Variants in UBE2E2 observed in about 807,000 individuals in gnomAD.
UBE2E2 encodes ubiquitin-conjugating enzyme E2 E2.
A neutral mutation model predicts 24.7 loss-of-function variants in UBE2E2; 6 were observed. The observed-to-expected ratio is 0.24, with a 90% CI of 0.13 to 0.48. The LOEUF (loss-of-function observed/expected upper bound fraction) is 0.48, where lower values mean the gene tolerates loss of function less well. UBE2E2 is among the 20% of genes least tolerant of loss of function. The probability of loss-of-function intolerance (pLI) is 0.99; values close to 1 mark genes in which losing one functional copy is unlikely to be tolerated. For synonymous variants in UBE2E2, 104 were observed against 83.6 expected (o/e 1.24, Z -1.33); for missense variants, 169 against 245.0 (o/e 0.69, Z 2.07).
At chr3:23,389,002 CAA>C (rs34578427) in intron 3 of UBE2E2, among the ~76,000 whole-genome samples, 4,008 of 81,076 alleles carry the variant, frequency 0.049, 88 homozygotes, top group East Asian at 0.21. Flanking sequence ...ACTCCATTTC[CAA>C]AAAAAAAAAA....
rs1305804254 is a variant in UBE2E2, at chr3:23,583,896, A to T, written c.509-5838A>T. Among the ~76,000 whole-genome samples, 2 of 152,128 alleles carry T rather than the reference A, an allele frequency of 1.3e-5. No individual in the cohort carries two copies. Among genetic ancestry groups the T allele is most frequent in the African/African-American group, 4.8e-5 (2 of 41,414 alleles). Reference sequence around the variant, plus strand: ...TTTGACTTCCTCCCTTCCTATTCGAATGCATTTTATTTCTTTCTCTTGCCT... The same window carrying T: ...TTTGACTTCCTCCCTTCCTATTCGATTGCATTTTATTTCTTTCTCTTGCCT... On this transcript the variant is annotated intron_variant, in intron 5 of 5. Coordinates refer to ENST00000396703, the MANE Select transcript of UBE2E2 (RefSeq NM_152653.4). This position sits in a 1 kb window ranked among gnomAD's most constrained non-coding sequence, Gnocchi z 4.1.
intron 3 of UBE2E2, among the ~76,000 whole-genome samples, chr3:23,311,244 A>C (rs1353762696): frequency 6.6e-6 from 1 of 152,098 alleles, no homozygotes; most frequent in Non-Finnish European, 1.5e-5. Context: ...CATTTTCTTA[A>C]TCCAGTCTAT....
rs540520431 is a variant in UBE2E2, at chr3:23,282,638, G to A, written c.227+65326G>A. On this transcript the variant is annotated intron_variant, in intron 3 of 5. Transcript: ENST00000396703. ...TGCAGTTTGACATTTAGAGCTTTTC[G>A]TCTTTCAGGATACAAATTCTATTTT... 9.2e-5 allele frequency among the ~76,000 whole-genome samples: 14 copies of A among 152,050 alleles called. 1 individual carries two copies. The highest frequency in any genetic ancestry group is 8.3e-4 in the South Asian group (4 of 4,808).
At chr3:23,303,070 G>T (rs564052433) in intron 3 of UBE2E2, among the ~76,000 whole-genome samples, 1 of 152,084 alleles carries the variant, frequency 6.6e-6, no homozygotes. Flanking sequence ...TCTGCCTCCC[G>T]TCAGATCAGC....
chr3:23,432,408 AT>A (rs1698082107), intron 3 of UBE2E2, among the ~76,000 whole-genome samples: 1 of 152,070 alleles, frequency 6.6e-6, no homozygotes, highest in South Asian at 2.1e-4. Flanking sequence ...TTAAAAGCAA[AT>A]TTCTAGAAAT....
At chr3:23,294,992 T>A (rs978441593) in intron 3 of UBE2E2, among the ~76,000 whole-genome samples, 6 of 152,280 alleles carry the variant, frequency 3.9e-5, no homozygotes, top group South Asian at 4.1e-4. Flanking sequence ...CACTTCTCTC[T>A]ACTTCCTCTT....
intron 3 of UBE2E2, among the ~76,000 whole-genome samples, chr3:23,317,719 G>C (rs533457415): frequency 1.3e-5 from 2 of 151,930 alleles, no homozygotes; most frequent in Non-Finnish European, 2.9e-5. Context: ...AGAACAGCAC[G>C]AGAAAGACCT....
rs186372992 is a variant in UBE2E2 at position 23,219,566 on chromosome 3, A to G, written c.227+2254A>G. Among the ~76,000 whole-genome samples, 14 of 152,310 alleles carry G rather than the reference A, an allele frequency of 9.2e-5. No individual in the cohort carries two copies. The East Asian group carries it at 2.3e-3, about 25-fold the overall frequency. ...AGTTCTGCACTGCCTGCATTGGCCT[A>G]ATGACTGTAATGGATTAATTTATCA... On this transcript the variant is annotated intron_variant, in intron 3 of 5. Coordinates refer to ENST00000396703, the MANE Select transcript of UBE2E2 (RefSeq NM_152653.4).
At chr3:23,466,479 C>G (rs1315086137) in intron 3 of UBE2E2, among the ~76,000 whole-genome samples, 1 of 152,178 alleles carries the variant, frequency 6.6e-6, no homozygotes, top group Non-Finnish European at 1.5e-5. Flanking sequence ...AATATTTTGT[C>G]CCTTGCAGAA....
Position 23,203,368 on chromosome 3 carries a change from C to A in UBE2E2, c.-105C>A. On this transcript the variant is annotated 5_prime_UTR_variant, in exon 1 of 6. It adds an upstream start codon to the 5' untranslated region. Coordinates refer to ENST00000396703, the MANE Select transcript of UBE2E2 (RefSeq NM_152653.4). ...ACGGTCCGCAGGGGACATCCCGTCC[C>A]TGGGGCCTCCCCAGTCTCCCTCCCC... The A allele has an allele frequency of 3.0e-6, 3 of 985,992 alleles. No homozygotes were observed. The highest frequency in any genetic ancestry group is 3.6e-6 in the Non-Finnish European group (3 of 830,374). 61.1% of individuals were successfully genotyped at this position (985,992 alleles called of 1,614,324 possible).
intron 3 of UBE2E2, among the ~76,000 whole-genome samples, chr3:23,342,087 A>C (rs1218112187): frequency 2.0e-5 from 3 of 152,190 alleles, no homozygotes; most frequent in African/African-American, 7.2e-5. Flanking sequence ...CATTTAGGTT[A>C]GTTGGAGGAG....
chr3:23,298,760 G>A (rs927165449), intron 3 of UBE2E2, among the ~76,000 whole-genome samples: 84 of 151,942 alleles, frequency 5.5e-4, no homozygotes, highest in Non-Finnish European at 1.1e-3. Flanking sequence ...TTTTTTGGTT[G>A]TGTCTCTGCC....
At chr3:23,487,989 TA>T (rs200515403) in intron 3 of UBE2E2, among the ~76,000 whole-genome samples, 4,779 of 144,390 alleles carry the variant, frequency 0.033, 123 homozygotes, top group East Asian at 0.14. Flanking sequence ...AAGGAATATT[TA>T]AAAAAAAAAA....
chr3:23,565,444 C>CTTTTTTTTTT (rs574461544), intron 5 of UBE2E2, among the ~76,000 whole-genome samples: 1 of 46,234 alleles, frequency 2.2e-5, no homozygotes, highest in Non-Finnish European at 3.8e-5. Context: ...ATAGGCATGG[C>CTTTTTTTTTT]TTTTTTTTTT....
intron 3 of UBE2E2, among the ~76,000 whole-genome samples, chr3:23,404,905 C>G (rs1357871709): frequency 1.3e-5 from 2 of 152,166 alleles, no homozygotes; most frequent in African/African-American, 4.8e-5. Flanking sequence ...ATCTGAGATA[C>G]AAGTAGTTAA....
intron 5 of UBE2E2, among the ~76,000 whole-genome samples, chr3:23,540,321 G>A (rs1318366831): frequency 1.3e-5 from 2 of 152,092 alleles, no homozygotes; most frequent in African/African-American, 4.8e-5. Flanking sequence ...TGAACTTAAG[G>A]GTATGTTACT....
intron 3 of UBE2E2, among the ~76,000 whole-genome samples, chr3:23,352,371 A>C (rs1448452782): frequency 6.6e-6 from 1 of 152,212 alleles, no homozygotes; most frequent in Non-Finnish European, 1.5e-5. Flanking sequence ...GAAGGCAAGA[A>C]ATAACTAAAA....
intron 4 of UBE2E2, among the ~76,000 whole-genome samples, chr3:23,528,090 A>G (rs1695041547): frequency 6.6e-6 from 1 of 152,150 alleles, no homozygotes; most frequent in Admixed American, 6.5e-5. Flanking sequence ...CTGACTCTAA[A>G]TCCAGGTGGA....
intron 3 of UBE2E2, among the ~76,000 whole-genome samples, chr3:23,427,804 A>G (rs1697963400): frequency 6.6e-6 from 1 of 152,260 alleles, no homozygotes; most frequent in Non-Finnish European, 1.5e-5. Flanking sequence ...CACAGCAAGG[A>G]AAGTTGTCAG....
Sources: gnomAD v4.1 joint callset for allele counts (sites outside exome capture counted in the v4.1 genomes callset) on GRCh38, gnomAD v4.1.1 for gene constraint, Gnocchi (gnomAD v3.1) non-coding constraint, MANE v1.5 for transcripts, NCBI Gene and HGNC (gene_info 2026-07-23, HGNC 2026-07-21) for gene names.